The following FILIP1L variants were observed in gnomAD, a reference collection of about 807,000 sequenced individuals.
The protein encoded by FILIP1L is filamin A-interacting protein 1-like.
In FILIP1L, 55 loss-of-function variants were observed where a neutral mutation model predicts 96.6. That is an observed-to-expected ratio of 0.57 (90% confidence interval 0.46 to 0.71). FILIP1L has a LOEUF of 0.71. Ranked by LOEUF, FILIP1L falls within the 30% of genes least tolerant of loss-of-function variation. The pLI is 0.00. For synonymous variants in FILIP1L, 467 were observed against 473.9 expected, an observed-to-expected ratio of 0.99 and a Z score of 0.19; for missense variants, 1,304 against 1,321.2, an observed-to-expected ratio of 0.99 and a Z score of 0.20.
chr3:99,847,547 TTATCATCTGCTTC>T (rs1471685566), intron 5 of FILIP1L, among the ~76,000 whole-genome samples: 1 of 152,186 alleles, frequency 6.6e-6, no homozygotes, highest in Non-Finnish European at 1.5e-5. Flanking sequence ...CTTTTTAATT[TTATCATCTGCTTC>T]TATGTGCTCA....
intron 4 of FILIP1L, among the ~76,000 whole-genome samples, chr3:99,916,228 A>G (rs958591568): frequency 2.6e-5 from 4 of 152,140 alleles, no homozygotes; most frequent in Admixed American, 6.5e-5. Flanking sequence ...TGCCTGGGTT[A>G]ATTGCACTGG....
rs74408343 is a variant in FILIP1L at position 99,959,867 on chromosome 3, C to T, written c.-10-28837G>A. 4.7e-3 allele frequency among the ~76,000 whole-genome samples: 722 copies of T among 152,236 alleles called. 7 individuals carry two copies. The highest frequency in any genetic ancestry group is 0.017 in the African/African-American group (707 of 41,538). On this transcript the variant is annotated intron_variant, in intron 1 of 5. Transcript: ENST00000477258. ...TGAGCATGGTTCTTGACTGAGCCCC[C>T]CAGCCCACTCAGTGTAGTAGGACTA...
chr3:99,924,227 T>C lies in FILIP1L; in HGVS notation c.605+3A>G. ...GGACATTGTTTGCCCAAAGCAGCCTTACCTTTCACATTCCTGTTCTAGTAG... is the reference window on the plus strand; with the variant it reads ...GGACATTGTTTGCCCAAAGCAGCCTCACCTTTCACATTCCTGTTCTAGTAG... On this transcript the variant is annotated splice_donor_region_variant and intron_variant, in intron 4 of 5. Coordinates refer to ENST00000477258, the MANE Select transcript of FILIP1L (RefSeq NM_001387850.1). 1.2e-6 allele frequency: 2 copies of C among 1,612,188 alleles called. No homozygotes were observed.
intron 4 of FILIP1L, among the ~76,000 whole-genome samples, chr3:99,884,537 ACT>A (rs1576546836): frequency 1.3e-5 from 2 of 152,096 alleles, no homozygotes; most frequent in South Asian, 2.1e-4. Context: ...TCTGTCAGTC[ACT>A]CTGCCTACCT....
intron 1 of FILIP1L, among the ~76,000 whole-genome samples, chr3:100,015,620 G>C (rs1710318458): frequency 6.6e-6 from 1 of 152,186 alleles, no homozygotes; most frequent in Non-Finnish European, 1.5e-5. Flanking sequence ...CGAATGCTAA[G>C]ATTATTGAGT....
At chr3:100,009,131 A>T (rs532706317) in intron 1 of FILIP1L, among the ~76,000 whole-genome samples, 59 of 152,320 alleles carry the variant, frequency 3.9e-4, no homozygotes, top group African/African-American at 1.3e-3. Context: ...CCGAATGAGA[A>T]TTCAAATTGA....
chr3:99,970,278 G>T (rs995153863), intron 1 of FILIP1L, among the ~76,000 whole-genome samples: 3 of 152,218 alleles, frequency 2.0e-5, no homozygotes, highest in African/African-American at 7.2e-5. Flanking sequence ...CAGGCAGTCT[G>T]GCTTTAGAGG....
At chr3:99,928,304 C>T (rs968592649) in intron 3 of FILIP1L, among the ~76,000 whole-genome samples, 4 of 152,052 alleles carry the variant, frequency 2.6e-5, no homozygotes, top group African/African-American at 9.7e-5. Context: ...GGGTTGTGTA[C>T]GTGGAGTTAT....
At chr3:99,894,920 G>A (rs539814233) in intron 4 of FILIP1L, among the ~76,000 whole-genome samples, 1 of 152,286 alleles carries the variant, frequency 6.6e-6, no homozygotes, top group African/African-American at 2.4e-5. Context: ...TGGACTAGCT[G>A]GGACCCTATG....
At chr3:100,088,101 G>T (rs2066043946) in intron 1 of FILIP1L, among the ~76,000 whole-genome samples, 1 of 152,218 alleles carries the variant, frequency 6.6e-6, no homozygotes, top group Non-Finnish European at 1.5e-5. Context: ...AAAGTGCTGG[G>T]ATTACAGGCA....
At chr3:100,003,262 G>A (rs1208740211) in intron 1 of FILIP1L, among the ~76,000 whole-genome samples, 2 of 152,116 alleles carry the variant, frequency 1.3e-5, no homozygotes, top group South Asian at 2.1e-4. Flanking sequence ...GTTAGAACTG[G>A]CAAGTTACAC....
intron 1 of FILIP1L, among the ~76,000 whole-genome samples, chr3:100,086,599 C>CA (rs2066013803): frequency 6.6e-6 from 1 of 152,276 alleles, no homozygotes; most frequent in Admixed American, 6.5e-5. Context: ...GGCTAACGTC[C>CA]AAAATATGTG....
chr3:99,988,339 TCCAAA>T (rs1300195757), intron 1 of FILIP1L, among the ~76,000 whole-genome samples: 2 of 28,350 alleles, frequency 7.1e-5, no homozygotes, highest in South Asian at 9.1e-4. Context: ...CTACTAAAAA[TCCAAA>T]AAAAAAAAAA....
chr3:99,974,801 T>C (rs1708922928), intron 1 of FILIP1L, among the ~76,000 whole-genome samples: 1 of 152,234 alleles, frequency 6.6e-6, no homozygotes, highest in Non-Finnish European at 1.5e-5. Context: ...CATTTACTTA[T>C]ATTCAAATAA....
intron 5 of FILIP1L, 156 bp downstream of exon 5, chr3:99,848,139 T>C: frequency 1.3e-6 from 2 of 1,487,990 alleles, no homozygotes; most frequent in Non-Finnish European, 1.8e-6. Flanking sequence ...TAGTTTCAGA[T>C]ACTCTTGTAT....
chr3:99,836,353 A>G (rs1576496393), intron 5 of FILIP1L, among the ~76,000 whole-genome samples: 2 of 152,154 alleles, frequency 1.3e-5, no homozygotes, highest in Non-Finnish European at 2.9e-5. Context: ...TAGAGGCGAG[A>G]CAAAGAGCAG....
intron 1 of FILIP1L, among the ~76,000 whole-genome samples, chr3:100,072,062 G>A (rs1197389771): frequency 6.6e-5 from 10 of 152,150 alleles, no homozygotes; most frequent in Non-Finnish European, 1.5e-4. Context: ...ATCTTTGATG[G>A]ACTTAAAACT....
chr3:99,987,528 CAAAAAAAA>C (rs1209242716), intron 1 of FILIP1L, among the ~76,000 whole-genome samples: 1 of 57,164 alleles, frequency 1.7e-5, no homozygotes, highest in Non-Finnish European at 3.8e-5. Context: ...GATTCTGTCT[CAAAAAAAA>C]AAAAAAAAAA....
chr3:99,892,156 G>A (rs1385375169), intron 4 of FILIP1L, among the ~76,000 whole-genome samples: 3 of 152,146 alleles, frequency 2.0e-5, no homozygotes, highest in Admixed American at 6.6e-5. Flanking sequence ...AAGGGAAACT[G>A]TTCTTATGTG....
Sources: gnomAD v4.1 joint callset for allele counts (sites outside exome capture counted in the v4.1 genomes callset) on GRCh38, gnomAD v4.1.1 for gene constraint, MANE v1.5 for transcripts, NCBI Gene and HGNC (gene_info 2026-07-23, HGNC 2026-07-21) for gene names.